The following LSP1 variants were observed in gnomAD, a reference collection of about 807,000 sequenced individuals.
The protein encoded by LSP1 is lymphocyte specific protein 1, also known as lymphocyte-specific protein 1.
In LSP1, 32 loss-of-function variants were observed where a neutral mutation model predicts 49.3. The observed-to-expected ratio is 0.65, with a 90% CI of 0.49 to 0.87. LSP1 has a LOEUF of 0.87. Among genes scored for constraint, LSP1 ranks in the 40% least tolerant of loss-of-function variants. The pLI is 0.00. For missense variants in LSP1, 428 were observed against 442.6 expected (o/e 0.97, Z 0.30); for synonymous variants, 179 against 178.8 (o/e 1.00, Z -0.01).
chr11:1,883,626 C>G, intron 4 of LSP1, 66 bp downstream of exon 4: 1 of 1,528,334 alleles, frequency 6.5e-7, no homozygotes, highest in African/African-American at 1.4e-5. Flanking sequence ...CCTTGGCTGT[C>G]TGCACCACTC....
In LSP1 at chr11:1,872,283, C is replaced by T. The variant is rs113244818; in HGVS notation, c.54-7804C>T. ...GTAGAGTTGGGGTCTGTCCGGCTGG[C>T]GTGGGCACCTTTGGGACGGGGTCTC... On this transcript the variant is annotated intron_variant, in intron 1 of 10. Coordinates refer to ENST00000311604, the MANE Select transcript of LSP1 (RefSeq NM_002339.3). Among the ~76,000 whole-genome samples the T allele has an allele frequency of 4.5e-3, 240 of 53,364 alleles. 23 individuals are homozygous for T. Among genetic ancestry groups the T allele is most frequent in the South Asian group, 8.4e-3 (9 of 1,074 alleles). The allele number at this position is 53,364 out of a possible 152,430, so 35.0% of individuals were successfully genotyped here.
chr11:1,856,790 G>A (rs1847500563), intron 1 of LSP1, among the ~76,000 whole-genome samples: 1 of 152,232 alleles, frequency 6.6e-6, no homozygotes, highest in Admixed American at 6.5e-5. Context: ...CCTGCCCTCC[G>A]AGCCAAGGCC....
rs1848774071 is a variant in LSP1, at chr11:1,886,846, G to A, written c.832G>A (p.Ala278Thr). 6.2e-7 allele frequency: 1 copy of A among 1,611,584 alleles called. No homozygotes were observed. ...ETGEVQAQSA[A>T]KTPSCKDIVA... Reference sequence around the variant, plus strand: ...GGGTGAGGTACAGGCTCAGTCTGCGGCCAAGACTCCGTCCTGCAAGGTAAG... The same window carrying A: ...GGGTGAGGTACAGGCTCAGTCTGCGACCAAGACTCCGTCCTGCAAGGTAAG... Residue 278 changes from alanine to threonine, a missense_variant, in exon 8 of 11, where the codon GCC becomes ACC. By Grantham distance (58) the Ala-to-Thr change is moderately conservative. Transcript: ENST00000311604.
intron 1 of LSP1, chr11:1,869,614 G>C (rs111649592): frequency 0.034 from 16,021 of 470,122 alleles, 799 homozygotes; most frequent in African/African-American, 0.16. Flanking sequence ...AGCAGGTGCC[G>C]GGGCAGAAGG....
intron 1 of LSP1, chr11:1,870,845 G>T (rs1228429822): frequency 1.0e-6 from 1 of 986,966 alleles, no homozygotes; most frequent in Admixed American, 6.0e-5. Context: ...GTCCCAGAAC[G>T]TGCCAAAAGC....
chr11:1,865,734 C>T (rs1172005632), intron 1 of LSP1, among the ~76,000 whole-genome samples: 1 of 151,736 alleles, frequency 6.6e-6, no homozygotes, highest in East Asian at 2.0e-4. Context: ...TTCTGCTTGA[C>T]TCTGAGCCCC....
chr11:1,864,597 G>A (rs900636953), intron 1 of LSP1, among the ~76,000 whole-genome samples: 9 of 152,082 alleles, frequency 5.9e-5, no homozygotes, highest in African/African-American at 1.7e-4. Context: ...TACTCTTCTC[G>A]GAAGGAGGAG....
chr11:1,890,393 G>C (rs1444814097), intron 10 of LSP1: 1 of 717,026 alleles, frequency 1.4e-6, no homozygotes, highest in Non-Finnish European at 2.6e-6. Flanking sequence ...GGGACAGGGA[G>C]GTGCGGAAGG....
At chr11:1,882,574 T>A (rs1249044992) in intron 3 of LSP1, among the ~76,000 whole-genome samples, 1 of 152,058 alleles carries the variant, frequency 6.6e-6, no homozygotes, top group African/African-American at 2.4e-5. Flanking sequence ...GGCAGCTCCC[T>A]TCTCCCTTGG....
At chr11:1,877,953 C>T (rs1215829259) in intron 1 of LSP1, among the ~76,000 whole-genome samples, 2 of 152,114 alleles carry the variant, frequency 1.3e-5, no homozygotes, top group East Asian at 3.9e-4. Flanking sequence ...CGTGTGCACA[C>T]GAGCTTCTGG....
At chr11:1,882,328 T>TG (rs1278012758) in intron 3 of LSP1, among the ~76,000 whole-genome samples, 1 of 152,124 alleles carries the variant, frequency 6.6e-6, no homozygotes, top group East Asian at 1.9e-4. Context: ...AGCCCATGGC[T>TG]GGGCTGACAG....
chr11:1,861,669 AGATGGGTG>A (rs1229505973), intron 1 of LSP1, among the ~76,000 whole-genome samples: 3 of 142,606 alleles, frequency 2.1e-5, no homozygotes, highest in African/African-American at 5.3e-5. Flanking sequence ...ATGGATGGAT[AGATGGGTG>A]GATGGGTGGA....
At chr11:1,866,531 A>C in intron 1 of LSP1, 1 of 1,533,442 alleles carries the variant, frequency 6.5e-7, no homozygotes, top group Non-Finnish European at 8.8e-7. Context: ...TGAGTTCAGG[A>C]CCAGCACCAG....
intron 1 of LSP1, among the ~76,000 whole-genome samples, chr11:1,855,575 C>T (rs1589802921): frequency 6.6e-6 from 1 of 152,174 alleles, no homozygotes; most frequent in African/African-American, 2.4e-5. Context: ...CTCAGATGCC[C>T]CCAGGACAGG....
Position 1,853,216 on chromosome 11 carries a change from G to A in LSP1, c.53+19G>A, listed in dbSNP as rs57230743. The A allele has an allele frequency of 2.4e-3, 3,928 of 1,604,522 alleles. 88 individuals are homozygous for A. The African/African-American group carries it at 0.044, about 18-fold the overall frequency. ...TGCTGGGGTAAGGGTCTGCGGCGACGCCCGGCGCCCTGTGCCGTGTCCACG... is the reference window on the plus strand; with the variant it reads ...TGCTGGGGTAAGGGTCTGCGGCGACACCCGGCGCCCTGTGCCGTGTCCACG... On this transcript the variant is annotated intron_variant, in intron 1 of 10. Coordinates refer to ENST00000311604, the MANE Select transcript of LSP1 (RefSeq NM_002339.3).
At chr11:1,889,562 C>A in intron 10 of LSP1, 1 of 613,250 alleles carries the variant, frequency 1.6e-6, no homozygotes, top group South Asian at 1.9e-5. Context: ...TGAGCCACGT[C>A]CAGCCACTGA....
At chr11:1,853,328 T>A (rs910792233) in intron 1 of LSP1, 131 bp downstream of exon 1, 30 of 921,328 alleles carry the variant, frequency 3.3e-5, no homozygotes, top group Non-Finnish European at 4.8e-5. Flanking sequence ...AACTTGGATG[T>A]CCGATGGGGA....
At chr11:1,878,400 G>A (rs1848399452) in intron 1 of LSP1, among the ~76,000 whole-genome samples, 1 of 152,232 alleles carries the variant, frequency 6.6e-6, no homozygotes, top group Admixed American at 6.5e-5. Context: ...GGAGCCAGGT[G>A]TGGGGAATTA....
intron 1 of LSP1, among the ~76,000 whole-genome samples, chr11:1,853,415 G>T (rs190756576): frequency 6.6e-6 from 1 of 152,230 alleles, no homozygotes; most frequent in African/African-American, 2.4e-5. Context: ...GGTCTCTTCC[G>T]CCTGCCTCTG....
Sources: gnomAD v4.1 joint callset for allele counts (sites outside exome capture counted in the v4.1 genomes callset) on GRCh38, gnomAD v4.1.1 for gene constraint, MANE v1.5 for transcripts, NCBI Gene and HGNC (gene_info 2026-07-23, HGNC 2026-07-21) for gene names.